The following ZNF57 variants were observed in gnomAD, a reference collection of about 807,000 sequenced individuals.
The protein encoded by ZNF57 is zinc finger protein 424.
ZNF57 carries 11 observed loss-of-function variants against 13.4 expected under a neutral mutation model. The ratio of observed to expected loss-of-function variants is 0.82; its 90% confidence interval spans 0.52 to 1.36. The LOEUF is 1.36. ZNF57 is among the 40% of genes most tolerant of loss of function. The probability of loss-of-function intolerance (pLI) is 0.00; values close to 1 mark genes in which losing one functional copy is unlikely to be tolerated. For synonymous variants in ZNF57, 224 were observed against 238.5 expected (o/e 0.94, Z 0.56); for missense variants, 696 against 667.5 (o/e 1.04, Z -0.47).
intron 1 of ZNF57, among the ~76,000 whole-genome samples, chr19:2,908,685 G>C (rs2088099744): frequency 6.6e-6 from 1 of 151,986 alleles, no homozygotes; most frequent in Non-Finnish European, 1.5e-5. Flanking sequence ...TGACAGGTGT[G>C]AGCCACTGCG....
At chr19:2,915,173 C>G in intron 1 of ZNF57, 1 of 176,886 alleles carries the variant, frequency 5.7e-6, no homozygotes, top group Non-Finnish European at 1.2e-5. Context: ...TGGTGGAAGG[C>G]TTTTCCGAAA....
chr19:2,909,283 T>TTA (rs1318031886), intron 1 of ZNF57, among the ~76,000 whole-genome samples: 2 of 116,452 alleles, frequency 1.7e-5, no homozygotes, highest in African/African-American at 3.0e-5. Context: ...TTATTTTTGT[T>TTA]TTTTTTTTTT....
At position 2,901,038 on chromosome 19, in the gene ZNF57, G is replaced by C; in HGVS notation, c.-8G>C. The C allele has an allele frequency of 4.5e-6, 7 of 1,560,392 alleles. No individual in the cohort carries two copies. Among genetic ancestry groups the C allele is most frequent in the Non-Finnish European group, 5.2e-6 (6 of 1,151,508 alleles). ...GCTCGCCTTGGAGAGCCCAGGAGCAGGGGAGACATGGTGAGTGCGAGGCAG... is the reference window on the plus strand; with the variant it reads ...GCTCGCCTTGGAGAGCCCAGGAGCACGGGAGACATGGTGAGTGCGAGGCAG... On this transcript the variant is annotated 5_prime_UTR_variant, in exon 1 of 4. Coordinates refer to ENST00000306908, the MANE Select transcript of ZNF57 (RefSeq NM_173480.3).
chr19:2,905,229 A>G (rs1341931437), intron 1 of ZNF57, among the ~76,000 whole-genome samples: 3 of 151,796 alleles, frequency 2.0e-5, no homozygotes, highest in African/African-American at 4.8e-5. Flanking sequence ...CAGTGGCACA[A>G]TCTTGGCTCA....
chr19:2,902,272 A>T (rs1484715347), intron 1 of ZNF57, among the ~76,000 whole-genome samples: 1 of 152,092 alleles, frequency 6.6e-6, no homozygotes, highest in African/African-American at 2.4e-5. Context: ...GGGTATCACT[A>T]ATGCTGTGAA....
At chr19:2,911,136 C>T (rs575386416) in intron 1 of ZNF57, among the ~76,000 whole-genome samples, 75 of 152,176 alleles carry the variant, frequency 4.9e-4, no homozygotes, top group African/African-American at 1.7e-3. Context: ...AATCATGGCT[C>T]ACTGCAGCCT....
At position 2,917,323 on chromosome 19, in the gene ZNF57, T is replaced by C. The variant is rs1373248149; in HGVS notation, c.702T>C (p.Asn234=). 6.2e-7 allele frequency: 1 copy of C among 1,614,124 alleles called. No individual in the cohort carries two copies. Among genetic ancestry groups the C allele is most frequent in the Non-Finnish European group, 8.5e-7 (1 of 1,179,976 alleles). Residue 234 remains asparagine (N), a synonymous_variant, in exon 4 of 4, where the codon AAT becomes AAC. Coordinates refer to ENST00000306908, the MANE Select transcript of ZNF57 (RefSeq NM_173480.3). ...YKCEQCRMAF[N]GFASFTRHVR... is the part of the protein sequence containing the mutation. ...GCGAGCAGTGTCGGATGGCGTTTAA[T>C]GGGTTCGCAAGCTTCACTAGACATG...
At position 2,917,007 on chromosome 19, in the gene ZNF57, T is replaced by C; in HGVS notation, c.386T>C (p.Leu129Pro). The change falls in exon 4 of 4, where the codon CTG (leucine) becomes CCG (proline). Residue 129 changes from leucine to proline, a missense_variant. Leu to Pro is a moderately conservative substitution (Grantham distance 98). This residue lies in a region of ZNF57 where 645 missense variants were observed against 591.5 expected (regional missense o/e 1.09). Transcript: ENST00000306908. ...EAIHQMPDLT[L>P]HKKVSAGEKP... ...ATCCATCAAATGCCAGATCTTACCCTGCACAAGAAAGTTTCTGCTGGAGAA... is the reference window on the plus strand; with the variant it reads ...ATCCATCAAATGCCAGATCTTACCCCGCACAAGAAAGTTTCTGCTGGAGAA... The C allele has an allele frequency of 6.2e-7, 1 of 1,614,230 alleles. No individual in the cohort carries two copies. The highest frequency in any genetic ancestry group is 8.5e-7 in the Non-Finnish European group (1 of 1,180,036).
At chr19:2,915,721 G>A (rs1434181983) in intron 2 of ZNF57, 73 bp downstream of exon 2, 1 of 1,608,462 alleles carries the variant, frequency 6.2e-7, no homozygotes, top group Non-Finnish European at 8.5e-7. Context: ...GTTGCAAGAT[G>A]TGAAATGTGG....
Position 2,918,430 on chromosome 19 carries a change from G to T in ZNF57, c.*141G>T. 1 of 897,556 alleles carries T rather than the reference G, an allele frequency of 1.1e-6. No individual in the cohort carries two copies. Among genetic ancestry groups the T allele is most frequent in the Non-Finnish European group, 1.6e-6 (1 of 612,750 alleles). The allele number at this position is 897,556 out of a possible 1,614,324, so 55.6% of individuals were successfully genotyped here. ...CATTTGTAAAACAGACCCATTAGTC[G>T]TGAATTTCCAGCTCTTTCAAAAATA... On this transcript the variant is annotated 3_prime_UTR_variant, in exon 4 of 4. Transcript: ENST00000306908.
At chr19:2,903,421 A>C (rs1002336082) in intron 1 of ZNF57, among the ~76,000 whole-genome samples, 10 of 152,118 alleles carry the variant, frequency 6.6e-5, no homozygotes, top group Non-Finnish European at 1.3e-4. Context: ...CATGTTGGCC[A>C]GGCTGGTCTC....
At position 2,901,066 on chromosome 19, in the gene ZNF57, G is replaced by A; in HGVS notation, c.3+18G>A. ...GAGACATGGTGAGTGCGAGGCAGGA[G>A]CAGAGCCAGGGGACGGTCGGAGCGA... On this transcript the variant is annotated intron_variant, in intron 1 of 3. Coordinates refer to ENST00000306908, the MANE Select transcript of ZNF57 (RefSeq NM_173480.3). 1 of 1,556,462 alleles carries A rather than the reference G, an allele frequency of 6.4e-7. No individual in the cohort carries two copies. Among genetic ancestry groups the A allele is most frequent in the South Asian group, 1.2e-5 (1 of 84,598 alleles).
intron 1 of ZNF57, among the ~76,000 whole-genome samples, chr19:2,903,801 GC>G (rs1568178636): frequency 1.3e-5 from 2 of 151,384 alleles, no homozygotes; most frequent in Non-Finnish European, 2.9e-5. Flanking sequence ...TGCAGGCTCC[GC>G]CCTCCGGGGT....
chr19:2,901,390 C>T (rs2088028657), intron 1 of ZNF57, among the ~76,000 whole-genome samples: 1 of 151,892 alleles, frequency 6.6e-6, no homozygotes, highest in Non-Finnish European at 1.5e-5. Context: ...GGATGTTACG[C>T]GTGTCCGTAT....
chr19:2,903,950 G>C (rs7252989), intron 1 of ZNF57, among the ~76,000 whole-genome samples: 126,239 of 151,720 alleles, frequency 0.83, 53,215 homozygotes, highest in Middle Eastern at 0.91. Flanking sequence ...CTCCTGACCT[G>C]GTGTTCCGCT....
intron 1 of ZNF57, among the ~76,000 whole-genome samples, chr19:2,901,611 C>T (rs969993112): frequency 3.1e-4 from 47 of 152,042 alleles, no homozygotes; most frequent in African/African-American, 1.0e-3. Context: ...ACTTCCGCCT[C>T]CCGGGTTCAA....
rs759246155 is a variant in ZNF57 at position 2,917,221 on chromosome 19, A to G, written c.600A>G (p.Ala200=). ...AGGAGAAGCCGTATAAGTGTCAAGC[A>G]TGTGGGCAAACTTTCCAACATCCTC... ...DTEEKPYKCQ[A]CGQTFQHPRY... The change falls in exon 4 of 4, where the codon GCA becomes GCG. Residue 200 remains alanine (A), a synonymous_variant. Transcript: ENST00000306908. 2.5e-6 allele frequency: 4 copies of G among 1,614,130 alleles called. No homozygotes were observed. Among genetic ancestry groups the G allele is most frequent in the South Asian group, 1.1e-5 (1 of 91,094 alleles).
At chr19:2,906,555 AAGC>A (rs2088076861) in intron 1 of ZNF57, among the ~76,000 whole-genome samples, 1 of 152,186 alleles carries the variant, frequency 6.6e-6, no homozygotes, top group Non-Finnish European at 1.5e-5. Flanking sequence ...CATATGCAAG[AAGC>A]AGCCCCTTTG....
chr19:2,903,095 G>A (rs1310792885), intron 1 of ZNF57, among the ~76,000 whole-genome samples: 2 of 152,230 alleles, frequency 1.3e-5, no homozygotes, highest in Non-Finnish European at 2.9e-5. Flanking sequence ...TGCTGATTGA[G>A]GCTGCTGAGC....
Sources: gnomAD v4.1 joint callset for allele counts (sites outside exome capture counted in the v4.1 genomes callset) on GRCh38, gnomAD v4.1.1 for gene constraint, gnomAD v4.1.1 regional missense constraint, MANE v1.5 for transcripts, NCBI Gene and HGNC (gene_info 2026-07-23, HGNC 2026-07-21) for gene names.